Variants in OR3A2 observed in about 807,000 individuals in gnomAD.
The protein encoded by OR3A2 is olfactory receptor 3A2.
For synonymous variants in OR3A2, 126 were observed against 159.3 expected (o/e 0.79, Z 1.57); for missense variants, 318 against 392.8 (o/e 0.81, Z 1.61).
At chr17:3,342,104 T>G (rs1370087578) in intron 2 of OR3A2, among the ~76,000 whole-genome samples, 3 of 152,156 alleles carry the variant, frequency 2.0e-5, no homozygotes, top group Non-Finnish European at 2.9e-5. Context: ...TGTCACGGTT[T>G]TCAGCTCCAT....
At chr17:3,384,477 A>G (rs1164880572) in intron 1 of OR3A2, among the ~76,000 whole-genome samples, 1 of 152,168 alleles carries the variant, frequency 6.6e-6, no homozygotes, top group Non-Finnish European at 1.5e-5. Context: ...CCTGTCCCAC[A>G]CAACATCATG....
intron 3 of OR3A2, chr17:3,298,209 G>C (rs573337713): frequency 6.6e-6 from 1 of 152,276 alleles, no homozygotes; most frequent in Non-Finnish European, 1.5e-5. Flanking sequence ...AGTCTAGGAT[G>C]AACACTGGTC....
chr17:3,311,796 C>G lies in OR3A2; in HGVS notation c.-85+24237G>C. The G allele has an allele frequency of 5.0e-6, 1 of 201,582 alleles. No individual in the cohort carries two copies. Among genetic ancestry groups the G allele is most frequent in the Non-Finnish European group, 1.0e-5 (1 of 96,104 alleles). The allele number at this position is 201,582 out of a possible 1,614,324, so 12.5% of individuals were successfully genotyped here. A position where few individuals can be genotyped will look rare whatever the true frequency, so the allele number is the denominator to read the frequency against. On this transcript the variant is annotated intron_variant, in intron 3 of 4. Transcript: ENST00000573491. The surrounding 1 kb of genome is among the most constrained non-coding windows in gnomAD (Gnocchi z 4.6). ...ACATGTGTCTGGGCTCAGTCTCAGC[C>G]TCAGACAAAGATAAGGGGATTGGGA...
intron 2 of OR3A2, among the ~76,000 whole-genome samples, chr17:3,373,374 G>C (rs898445229): frequency 6.6e-5 from 10 of 152,170 alleles, no homozygotes; most frequent in Non-Finnish European, 1.0e-4. Context: ...GACCTGTCTA[G>C]TGCTGTCAGT....
chr17:3,355,517 T>A (rs1019156236), intron 2 of OR3A2, among the ~76,000 whole-genome samples: 2 of 148,580 alleles, frequency 1.3e-5, no homozygotes, highest in African/African-American at 5.1e-5. Flanking sequence ...TGCGTACATA[T>A]ATATTTGCAA....
At chr17:3,352,562 A>C (rs1029425158) in intron 2 of OR3A2, among the ~76,000 whole-genome samples, 1 of 151,386 alleles carries the variant, frequency 6.6e-6, no homozygotes, top group East Asian at 1.9e-4. Flanking sequence ...AGTTCACTGT[A>C]GGAGTGTTTG....
At chr17:3,297,085 T>C (rs9892057) in intron 3 of OR3A2, among the ~76,000 whole-genome samples, 2,135 of 152,268 alleles carry the variant, frequency 0.014, 34 homozygotes, top group African/African-American at 0.048. Context: ...GCAGCAGTTA[T>C]GGACACCAGG....
At chr17:3,296,833 C>T (rs1479941747) in intron 3 of OR3A2, among the ~76,000 whole-genome samples, 1 of 152,172 alleles carries the variant, frequency 6.6e-6, no homozygotes, top group African/African-American at 2.4e-5. Context: ...CAACATTCCG[C>T]CATCCCCACC....
intron 3 of OR3A2, among the ~76,000 whole-genome samples, chr17:3,306,901 G>A (rs904350801): frequency 6.6e-6 from 1 of 152,232 alleles, no homozygotes; most frequent in Non-Finnish European, 1.5e-5. Context: ...TCAAACATAA[G>A]TGAGTGTCAC....
At chr17:3,380,204 C>A (rs1039758039) in intron 2 of OR3A2, among the ~76,000 whole-genome samples, 1 of 152,146 alleles carries the variant, frequency 6.6e-6, no homozygotes, top group Non-Finnish European at 1.5e-5. Context: ...TGCTTGCAGA[C>A]TTGCTGGGAG....
intron 3 of OR3A2, among the ~76,000 whole-genome samples, chr17:3,303,924 A>G (rs910613700): frequency 2.4e-5 from 3 of 122,920 alleles, no homozygotes; most frequent in East Asian, 2.5e-4. Flanking sequence ...TATAGATATA[A>G]ATATATATAT....
chr17:3,331,314 C>G (rs922045274), intron 3 of OR3A2, among the ~76,000 whole-genome samples: 37 of 152,082 alleles, frequency 2.4e-4, no homozygotes, highest in African/African-American at 8.0e-4. Context: ...GAGTGTTTTC[C>G]AACTTGGTTC....
rs546926943 is a variant in OR3A2 at position 3,319,884 on chromosome 17, T to C, written c.-85+16149A>G. On this transcript the variant is annotated intron_variant, in intron 3 of 4. Transcript: ENST00000573491. The stretch of plus-strand genomic sequence containing the variant: ...AGCATGATTTATAATCCTTTGGGTA[T>C]ATATACCCAGTCATGGGATGGCTGG... 3.2e-4 allele frequency among the ~76,000 whole-genome samples: 49 copies of C among 152,324 alleles called. 1 individual carries two copies. The highest frequency in any genetic ancestry group is 2.3e-3 in the Admixed American group (35 of 15,300).
At chr17:3,369,960 C>A (rs573830963) in intron 2 of OR3A2, among the ~76,000 whole-genome samples, 9 of 152,008 alleles carry the variant, frequency 5.9e-5, no homozygotes, top group African/African-American at 1.7e-4. Flanking sequence ...CATGCCACCA[C>A]GCATGGCTAA....
intron 2 of OR3A2, among the ~76,000 whole-genome samples, chr17:3,345,656 C>A (rs1412736139): frequency 6.6e-6 from 1 of 151,658 alleles, no homozygotes; most frequent in Non-Finnish European, 1.5e-5. Context: ...GAAAGTCTCC[C>A]AGAAAGTAGA....
rs543798058 is a variant in OR3A2, at chr17:3,347,533, T to C, written c.-178-11407A>G. Among the ~76,000 whole-genome samples, 14 of 152,284 alleles carry C rather than the reference T, an allele frequency of 9.2e-5. No individual in the cohort carries two copies. The East Asian group carries it at 2.5e-3, about 27-fold the overall frequency. On this transcript the variant is annotated intron_variant, in intron 2 of 4. Coordinates refer to the OR3A2 transcript ENST00000573491. ...TCTTGCAATAGTTTACTGAGAATGA[T>C]GGTTTCCAATTTCATCCATGTCCCT...
intron 2 of OR3A2, among the ~76,000 whole-genome samples, chr17:3,354,651 T>G (rs1291127748): frequency 6.6e-6 from 1 of 151,424 alleles, no homozygotes; most frequent in Non-Finnish European, 1.5e-5. Context: ...CTTCTCTCTT[T>G]TTTTCTTAGT....
intron 2 of OR3A2, among the ~76,000 whole-genome samples, chr17:3,358,585 T>C (rs2049481923): frequency 6.6e-6 from 1 of 151,732 alleles, no homozygotes; most frequent in Non-Finnish European, 1.5e-5. Flanking sequence ...AATTGCATGG[T>C]TTTGAGTGAT....
intron 3 of OR3A2, among the ~76,000 whole-genome samples, chr17:3,290,350 A>G (rs1169906142): frequency 6.6e-6 from 1 of 152,096 alleles, no homozygotes; most frequent in Non-Finnish European, 1.5e-5. Flanking sequence ...CATTCTGTGT[A>G]CCACGTTTGG....
Sources: allele counts gnomAD v4.1 joint callset (sites outside exome capture counted in the v4.1 genomes callset), GRCh38; gene constraint gnomAD v4.1.1; non-coding constraint Gnocchi (gnomAD v3.1); transcripts MANE v1.5; gene names NCBI Gene and HGNC (gene_info 2026-07-23, HGNC 2026-07-21).